The following SRRT variants were observed in gnomAD, a reference collection of about 807,000 sequenced individuals.
The protein encoded by SRRT is serrate RNA effector molecule homolog.
Under a neutral mutation model 103.2 loss-of-function variants are expected in SRRT, and 32 were observed. The ratio of observed to expected loss-of-function variants is 0.31; its 90% CI spans 0.23 to 0.42. The LOEUF (loss-of-function observed/expected upper bound fraction) is 0.42. SRRT is among the 10% of genes least tolerant of loss of function. The pLI is 1.00. For missense variants in SRRT, 986 were observed against 1,207.5 expected, an observed-to-expected ratio of 0.82 and a Z score of 2.72; for synonymous variants, 525 against 449.0, an observed-to-expected ratio of 1.17 and a Z score of -2.14.
chr7:100,884,762 A>G lies in SRRT; in HGVS notation c.965A>G (p.Asp322Gly). The G allele has an allele frequency of 6.2e-7, 1 of 1,614,062 alleles. No individual in the cohort carries two copies. The highest frequency in any genetic ancestry group is 8.5e-7 in the Non-Finnish European group (1 of 1,179,990). ...TAGGCTGAGAATGACAGTTCTAATGATGACAAAACAAAGAAGTCGGAGGGT... is the reference window on the plus strand; with the variant it reads ...TAGGCTGAGAATGACAGTTCTAATGGTGACAAAACAAAGAAGTCGGAGGGT... Reference protein sequence around the residue: ...GKQAENDSSNDDKTKKSEGDG... With the variant: ...GKQAENDSSNGDKTKKSEGDG... The change falls in exon 8 of 20, where the codon GAT becomes GGT. Residue 322 changes from aspartate to glycine, a missense_variant. Coordinates refer to ENST00000611405, the MANE Select transcript of SRRT (RefSeq NM_015908.6).
At position 100,887,884 on chromosome 7, in the gene SRRT, C is replaced by T. The variant is rs1469690330; in HGVS notation, c.2326+25C>T. The T allele has an allele frequency of 6.3e-7, 1 of 1,588,078 alleles. No homozygotes were observed. Among genetic ancestry groups the T allele is most frequent in the Admixed American group, 1.7e-5 (1 of 57,866 alleles). On this transcript the variant is annotated intron_variant, in intron 17 of 19. Coordinates refer to ENST00000611405, the MANE Select transcript of SRRT (RefSeq NM_015908.6). This position sits in a 1 kb window ranked among gnomAD's most constrained non-coding sequence, Gnocchi z 4.1. ...AGTAAGATACGATCCATGAAGGTCG[C>T]ATGTGCCCTCTTCCTTGACTACCCA...
intron 2 of SRRT, among the ~76,000 whole-genome samples, chr7:100,878,052 C>T (rs987193268): frequency 6.6e-6 from 1 of 152,180 alleles, no homozygotes; most frequent in Non-Finnish European, 1.5e-5. Context: ...TGGCTCATGC[C>T]TGTAATCCCA....
At position 100,884,544 on chromosome 7, in the gene SRRT, G is replaced by C. The variant is rs139372604; in HGVS notation, c.934G>C (p.Gly312Arg). The change falls in exon 7 of 20, where the codon GGC (glycine) becomes CGC (arginine). Residue 312 changes from glycine (G) to arginine (R), a missense_variant. Physicochemically the swap from Gly to Arg is moderately radical, Grantham distance 125 (BLOSUM62 -2). Transcript: ENST00000611405. ...CGACAAGGATGAGAAGAAGGAAGAC[G>C]GCAAGCAGGTCCGAGCCCTGGGTCT... ...TNDKDEKKED[G>R]KQAENDSSND... is the part of the protein sequence containing the mutation. 1.9e-6 allele frequency: 3 copies of C among 1,591,302 alleles called. No individual in the cohort carries two copies. The highest frequency in any genetic ancestry group is 2.6e-6 in the Non-Finnish European group (3 of 1,166,866).
At chr7:100,888,433 T>A (rs1412171674) in intron 19 of SRRT, 41 bp from the exon 20 acceptor site, 1 of 1,612,972 alleles carries the variant, frequency 6.2e-7, no homozygotes, top group Admixed American at 1.7e-5. Context: ...GACTCCCTTT[T>A]GGGAGCCCTC....
intron 2 of SRRT, among the ~76,000 whole-genome samples, chr7:100,879,462 T>C (rs182381934): frequency 6.6e-6 from 1 of 152,242 alleles, no homozygotes; most frequent in African/African-American, 2.4e-5. Context: ...AGCTATCCTC[T>C]ACAAAGCCAG....
intron 13 of SRRT, 161 bp downstream of exon 13, chr7:100,886,596 A>G: frequency 1.1e-6 from 1 of 951,222 alleles, no homozygotes. Flanking sequence ...AGATTCCAGC[A>G]GAACTGGGGG....
intron 2 of SRRT, among the ~76,000 whole-genome samples, chr7:100,876,326 A>G (rs1366405169): frequency 1.3e-5 from 2 of 151,988 alleles, no homozygotes; most frequent in African/African-American, 2.4e-5. Context: ...TAATTTTTGT[A>G]TTTTTAGTAG....
Position 100,884,210 on chromosome 7 carries a change from C to G in SRRT, c.728C>G (p.Ala243Gly), listed in dbSNP as rs201947936. The change falls in exon 6 of 20, where the codon GCT becomes GGT. Residue 243 changes from alanine (A) to glycine (G), a missense_variant. By Grantham distance (60) the Ala-to-Gly change is moderately conservative (BLOSUM62 0). This residue lies in a region of SRRT where 274 missense variants were observed against 358.5 expected (regional missense o/e 0.76). Transcript: ENST00000611405. ...AACCTTCTCCTGGACATAGACAAAG[C>G]TGATGCCATTGTCAAGATGCTGGAT... ...FDNLLLDIDK[A>G]DAIVKMLDAA... The G allele has an allele frequency of 6.2e-7, 1 of 1,614,026 alleles. No individual in the cohort carries two copies. The highest frequency in any genetic ancestry group is 1.3e-5 in the African/African-American group (1 of 74,930).
chr7:100,875,943 A>C, intron 2 of SRRT: 1 of 498,836 alleles, frequency 2.0e-6, no homozygotes, highest in Non-Finnish European at 3.6e-6. Flanking sequence ...GAGTATGAAG[A>C]AGCACTGTTT....
Position 100,885,574 on chromosome 7 carries a change from TCC to T in SRRT, c.1318-125_1318-124del. ...TGTTCTGAAGCCCTTTAGTGGTTTT[TCC>T]CTGCCCAAGGATGGGAAGAGTGATA... On this transcript the variant is annotated intron_variant, in intron 10 of 19. Transcript: ENST00000611405. The surrounding 1 kb of genome is among the most constrained non-coding windows in gnomAD (Gnocchi z 4.8). The T allele has an allele frequency of 8.4e-7, 1 of 1,193,604 alleles. No homozygotes were observed. The highest frequency in any genetic ancestry group is 1.2e-6 in the Non-Finnish European group (1 of 833,200). The allele number at this position is 1,193,604 out of a possible 1,614,324, so 73.9% of individuals were successfully genotyped here.
chr7:100,884,836 A>C lies in SRRT; in HGVS notation c.1039A>C (p.Lys347Gln). 1 of 1,613,842 alleles carries C rather than the reference A, an allele frequency of 6.2e-7. No homozygotes were observed. The highest frequency in any genetic ancestry group is 8.5e-7 in the Non-Finnish European group (1 of 1,179,900). The change falls in exon 8 of 20, where the codon AAG becomes CAG. Residue 347 changes from lysine (K) to glutamine (Q), a missense_variant and splice_region_variant. Lys to Gln is a moderately conservative substitution (Grantham distance 53, BLOSUM62 1). Coordinates refer to ENST00000611405, the MANE Select transcript of SRRT (RefSeq NM_015908.6). ...KKEDSEKEAKKSSKKRNRKHS... is the reference protein window; with the variant it reads ...KKEDSEKEAKQSSKKRNRKHS... Reference sequence around the variant, plus strand: ...AGAAGACTCCGAGAAGGAAGCCAAAAAGGTGAGGTGTCTGTGGCCTGGGGT... The same window carrying C: ...AGAAGACTCCGAGAAGGAAGCCAAACAGGTGAGGTGTCTGTGGCCTGGGGT...
rs1004215658 is a variant in SRRT at position 100,882,976 on chromosome 7, C to T, written c.587+735C>T. 1 of 152,366 alleles carries T rather than the reference C, an allele frequency of 6.6e-6. No individual in the cohort carries two copies. Among genetic ancestry groups the T allele is most frequent in the Non-Finnish European group, 1.5e-5 (1 of 68,132 alleles). The allele number at this position is 152,366 out of a possible 1,614,324, so 9.4% of individuals were successfully genotyped here. On this transcript the variant is annotated intron_variant, in intron 5 of 19. Coordinates refer to ENST00000611405, the MANE Select transcript of SRRT (RefSeq NM_015908.6). The surrounding 1 kb of genome is among the most constrained non-coding windows in gnomAD (Gnocchi z 4.2). ...CCAGTCAGGCCCCACTGCGGAGTCC[C>T]GCGTGGGCATCTCGGCCGGGCGCCC...
chr7:100,888,295 C>T lies in SRRT; in HGVS notation c.2467C>T (p.Pro823Ser). ...CCCTGCAGTCCCCACAGGAGGCCCT[C>T]CATACCCCCATGCCCCGTATGGTGC... ...VRPAVPTGGPPYPHAPYGAGR... is the reference protein window; with the variant it reads ...VRPAVPTGGPSYPHAPYGAGR... Residue 823 changes from proline (P) to serine (S), a missense_variant, in exon 19 of 20, where the codon CCA (proline) becomes TCA (serine). Coordinates refer to ENST00000611405, the MANE Select transcript of SRRT (RefSeq NM_015908.6). 2 of 1,613,706 alleles carry T rather than the reference C, an allele frequency of 1.2e-6. No individual in the cohort carries two copies. The highest frequency in any genetic ancestry group is 1.3e-5 in the African/African-American group (1 of 75,040).
chr7:100,875,455 T>TG, intron 1 of SRRT, 118 bp from the exon 2 acceptor site: 1 of 1,537,904 alleles, frequency 6.5e-7, no homozygotes, highest in Non-Finnish European at 8.7e-7. Context: ...CCTAGGATGG[T>TG]GGGGGCCGCG....
At chr7:100,878,412 C>T (rs1213938455) in intron 2 of SRRT, among the ~76,000 whole-genome samples, 1 of 152,074 alleles carries the variant, frequency 6.6e-6, no homozygotes, top group Non-Finnish European at 1.5e-5. Flanking sequence ...GGCAGTGATG[C>T]TGATGAGTAC....
chr7:100,886,846 G>C lies in SRRT; in HGVS notation c.1699G>C (p.Glu567Gln). ...GAAGAATATCACCGACTACCTGATC[G>C]AGGAAGTAAGCGCCGAGGAGGAGGA... is the stretch of plus-strand genomic sequence containing the variant. ...ILKNITDYLI[E>Q]EVSAEEEELL... The change falls in exon 14 of 20, where the codon GAG becomes CAG. Residue 567 changes from glutamate to glutamine, a missense_variant. Glu to Gln is a conservative substitution (Grantham distance 29). Around this residue, in one of 6 missense-constraint regions of SRRT, gnomAD observed 349 missense variants for 446.9 expected, o/e 0.78. Coordinates refer to ENST00000611405, the MANE Select transcript of SRRT (RefSeq NM_015908.6). The C allele has an allele frequency of 6.2e-7, 1 of 1,614,168 alleles. No individual in the cohort carries two copies. Among genetic ancestry groups the C allele is most frequent in the Non-Finnish European group, 8.5e-7 (1 of 1,180,040 alleles).
At position 100,885,059 on chromosome 7, in the gene SRRT, T is replaced by C; in HGVS notation, c.1159+19T>C. 2 of 1,613,530 alleles carry C rather than the reference T, an allele frequency of 1.2e-6. No individual in the cohort carries two copies. Among genetic ancestry groups the C allele is most frequent in the Non-Finnish European group, 1.7e-6 (2 of 1,179,950 alleles). ...GAGGCCGGTAGGGTTTCTTTTCTGC[T>C]TTAAAGTGCGTTCTCCTAATGCGGG... is the stretch of plus-strand genomic sequence containing the variant. On this transcript the variant is annotated intron_variant, in intron 9 of 19. Transcript: ENST00000611405. This position sits in a 1 kb window ranked among gnomAD's most constrained non-coding sequence, Gnocchi z 4.8.
intron 2 of SRRT, chr7:100,880,796 T>G (rs1466844364): frequency 2.9e-6 from 1 of 347,104 alleles, no homozygotes; most frequent in Admixed American, 3.5e-5. Flanking sequence ...CAGGGGTGAT[T>G]CATGTGGGTC....
At position 100,886,393 on chromosome 7, in the gene SRRT, A is replaced by G. The variant is rs1423435993; in HGVS notation, c.1605A>G (p.Thr535=). Residue 535 remains threonine (T), a synonymous_variant, in exon 13 of 20, where the codon ACA becomes ACG. Coordinates refer to ENST00000611405, the MANE Select transcript of SRRT (RefSeq NM_015908.6). ...TGATCCACACGCTGGATGACAGGAC[A>G]CAGCTTTGGGCCTCAGAACCAGGGA... The part of the protein sequence containing the change: ...AKLIHTLDDR[T]QLWASEPGTP... 6 of 1,613,506 alleles carry G rather than the reference A, an allele frequency of 3.7e-6. No individual in the cohort carries two copies. The highest frequency in any genetic ancestry group is 1.8e-4 in the Middle Eastern group (1 of 5,710).
Sources: allele counts gnomAD v4.1 joint callset (sites outside exome capture counted in the v4.1 genomes callset), GRCh38; gene constraint gnomAD v4.1.1; regional missense constraint gnomAD v4.1.1; non-coding constraint Gnocchi (gnomAD v3.1); transcripts MANE v1.5; gene names NCBI Gene and HGNC (gene_info 2026-07-23, HGNC 2026-07-21).